The following FTCD variants were observed in gnomAD, a reference collection of about 807,000 sequenced individuals.
The protein encoded by FTCD is formimidoyltransferase-cyclodeaminase.
In FTCD, 76 loss-of-function variants were observed where a neutral mutation model predicts 62.9. The ratio of observed to expected loss-of-function variants is 1.21; its 90% CI spans 1.00 to 1.46. FTCD has a LOEUF of 1.46. FTCD is among the 40% of genes most tolerant of loss of function. The probability of loss-of-function intolerance (pLI) is 0.00; values close to 1 mark genes in which losing one functional copy is unlikely to be tolerated. For synonymous variants in FTCD, 397 were observed against 336.9 expected (o/e 1.18, Z -1.95); for missense variants, 845 against 751.3 (o/e 1.12, Z -1.46).
In FTCD at chr21:46,151,816, C is replaced by T. The variant is rs796092898; in HGVS notation, c.456+76G>A. On this transcript the variant is annotated intron_variant, in intron 4 of 13. Transcript: ENST00000397746. ...CCCGGGGTCCCGGGAAGGAGGGGCC[C>T]GGCCCAGCCACCCCAGCCAGGACAA... is the stretch of plus-strand genomic sequence containing the variant. 5.6e-5 allele frequency: 88 copies of T among 1,577,652 alleles called. No individual in the cohort carries two copies. The African/African-American group carries it at 7.4e-4, about 13-fold the overall frequency.
chr21:46,154,305 T>C lies in FTCD; in HGVS notation c.82A>G (p.Thr28Ala). The C allele has an allele frequency of 6.2e-7, 1 of 1,611,420 alleles. No homozygotes were observed. Among genetic ancestry groups the C allele is most frequent in the Non-Finnish European group, 8.5e-7 (1 of 1,179,634 alleles). The stretch of plus-strand genomic sequence containing the variant: ...AGCAGCACGCAGCCCGGGGTCTGTG[T>C]GATGGCTCCAGAGATGGCGTCGATC... ...EVIDAISGAI[T>A]QTPGCVLLDV... Residue 28 changes from threonine to alanine, a missense_variant, in exon 2 of 14, where the codon ACA (threonine) becomes GCA (alanine). Physicochemically the swap from Thr to Ala is moderately conservative, Grantham distance 58 (BLOSUM62 0). Coordinates refer to ENST00000397746, the MANE Select transcript of FTCD (RefSeq NM_206965.2).
At position 46,146,320 on chromosome 21, in the gene FTCD, C is replaced by T. The variant is rs1408278023; in HGVS notation, c.914G>A (p.Ser305Asn). The change falls in exon 8 of 14, where the codon AGC (serine) becomes AAC (asparagine). Residue 305 changes from serine (S) to asparagine (N), a missense_variant. Transcript: ENST00000397746. ...EEEQRIRLVVSRLGLDSLCPF... is the reference protein window; with the variant it reads ...EEEQRIRLVVNRLGLDSLCPF... ...GCACAGGGAGTCCAGGCCCAGCCGG[C>T]TCACCACCTGGAAAAGGGGCTTGGA... The T allele has an allele frequency of 2.5e-6, 4 of 1,601,362 alleles. No homozygotes were observed. Among genetic ancestry groups the T allele is most frequent in the Admixed American group, 3.4e-5 (2 of 59,044 alleles).
chr21:46,136,354 G>A (rs990337042), downstream of FTCD: 2 of 1,329,894 alleles, frequency 1.5e-6, no homozygotes, highest in Non-Finnish European at 2.1e-6. Context: ...AGTCTCCCAG[G>A]AGCCACTGGT....
intron 1 of FTCD, among the ~76,000 whole-genome samples, chr21:46,154,907 G>C (rs1430698880): frequency 6.6e-6 from 1 of 152,344 alleles, no homozygotes; most frequent in East Asian, 1.9e-4. Flanking sequence ...CTTCCAGGTG[G>C]CCCTTAGGGC....
chr21:46,138,796 G>A (rs969748808), intron 11 of FTCD, 84 bp downstream of exon 11: 108 of 1,438,354 alleles, frequency 7.5e-5, no homozygotes, highest in Admixed American at 2.5e-4. Context: ...ACCACGCCCC[G>A]TCACAGCACC....
intron 12 of FTCD, among the ~76,000 whole-genome samples, chr21:46,138,184 C>A (rs1230435595): frequency 6.6e-6 from 1 of 152,180 alleles, no homozygotes; most frequent in African/African-American, 2.4e-5. Flanking sequence ...AACCATTGTG[C>A]CTGGGCTGAC....
chr21:46,139,683 C>T (rs1167172896), intron 10 of FTCD, among the ~76,000 whole-genome samples: 2 of 152,246 alleles, frequency 1.3e-5, no homozygotes, highest in Non-Finnish European at 2.9e-5. Flanking sequence ...GATCTGGATC[C>T]TTTGACCATT....
At chr21:46,144,055 C>CCT (rs371100615) in intron 10 of FTCD, among the ~76,000 whole-genome samples, 18 of 151,514 alleles carry the variant, frequency 1.2e-4, no homozygotes, top group South Asian at 6.2e-4. Context: ...TGTGAGCTGT[C>CCT]CTCTCTCTCT....
At chr21:46,152,020 G>C (rs2079298317) in intron 3 of FTCD, 40 bp from the exon 4 acceptor site, 4 of 1,436,754 alleles carry the variant, frequency 2.8e-6, no homozygotes, top group Non-Finnish European at 3.8e-6. Context: ...ACCGGCAGGG[G>C]GTCCAGGACT....
chr21:46,146,281 T>G lies in FTCD; in HGVS notation c.953A>C (p.Lys318Thr). The G allele has an allele frequency of 6.2e-7, 1 of 1,604,250 alleles. No homozygotes were observed. Among genetic ancestry groups the G allele is most frequent in the East Asian group, 2.2e-5 (1 of 44,584 alleles). The change falls in exon 8 of 14, where the codon AAG (lysine) becomes ACG (threonine). Residue 318 changes from lysine to threonine, a missense_variant. Lys to Thr is a moderately conservative substitution (Grantham distance 78). Transcript: ENST00000397746. ...GLDSLCPFSP[K>T]ERIIEYLVPE... is the part of the protein sequence containing the mutation. ...AGAGGCTCACTCGATGATCCGCTCC[T>G]TAGGGCTGAAGGGGCACAGGGAGTC...
chr21:46,136,970 A>G lies in FTCD; in HGVS notation c.*17T>C, dbSNP rs760296512. On this transcript the variant is annotated 3_prime_UTR_variant, in exon 14 of 14. Coordinates refer to ENST00000397746, the MANE Select transcript of FTCD (RefSeq NM_206965.2). The stretch of plus-strand genomic sequence containing the variant: ...GCGAGGGAGGGGCCACAGAGCCCGG[A>G]GAGGCCTCCCGCACCGTCACTCCTG... 1.9e-6 allele frequency: 3 copies of G among 1,612,996 alleles called. No homozygotes were observed. The highest frequency in any genetic ancestry group is 2.5e-6 in the Non-Finnish European group (3 of 1,179,956).
rs2079278508 is a variant in FTCD, at chr21:46,151,658, C to G, written c.536G>C (p.Arg179Thr). ...GATGTTAAAAGCAATGAGGAACTTC[C>G]TCGCCCCCGTGGCCGTGGCCCCCCA... ...PSWGATATGA[R>T]KFLIAFNINL... The change falls in exon 5 of 14, where the codon AGG becomes ACG. Residue 179 changes from arginine to threonine, a missense_variant. Coordinates refer to ENST00000397746, the MANE Select transcript of FTCD (RefSeq NM_206965.2). 4 of 1,613,080 alleles carry G rather than the reference C, an allele frequency of 2.5e-6. No individual in the cohort carries two copies. The highest frequency in any genetic ancestry group is 3.4e-6 in the Non-Finnish European group (4 of 1,179,978).
chr21:46,152,897 G>GC lies in FTCD; in HGVS notation c.367+9dup. On this transcript the variant is annotated intron_variant, in intron 3 of 13. Coordinates refer to ENST00000397746, the MANE Select transcript of FTCD (RefSeq NM_206965.2). Reference sequence around the variant, plus strand: ...GGAGCAGAGTGAGGGGGGCGGGGGGGCACGCTCACCTGGCACGTCCAGCTC... The same window carrying GC: ...GGAGCAGAGTGAGGGGGGCGGGGGGGCCACGCTCACCTGGCACGTCCAGCTC... The GC allele has an allele frequency of 4.1e-6, 5 of 1,210,056 alleles. No individual in the cohort carries two copies. The highest frequency in any genetic ancestry group is 5.8e-6 in the Non-Finnish European group (5 of 865,810). 75.0% of individuals were successfully genotyped at this position (1,210,056 alleles called of 1,614,324 possible).
In FTCD at chr21:46,145,456, C is replaced by G; in HGVS notation, c.1221G>C (p.Thr407=). 1.9e-6 allele frequency: 3 copies of G among 1,560,432 alleles called. No individual in the cohort carries two copies. The highest frequency in any genetic ancestry group is 2.6e-6 in the Non-Finnish European group (3 of 1,153,212). ...PFREASAKLT[T]LVDADAEAFT... is the part of the protein sequence containing the mutation. ...AGGCCTCGGCGTCGGCATCCACCAG[C>G]GTGGTTAGCTTGGCCGAAGCCTCGC... Residue 407 remains threonine, a synonymous_variant, in exon 10 of 14, where the codon ACG becomes ACC. Coordinates refer to ENST00000397746, the MANE Select transcript of FTCD (RefSeq NM_206965.2).
At chr21:46,144,536 C>T (rs551799282) in intron 10 of FTCD, among the ~76,000 whole-genome samples, 1 of 524 alleles carries the variant, frequency 1.9e-3, no homozygotes, top group South Asian at 0.05. Flanking sequence ...TCCCTCTCTC[C>T]CCTTTTCCCC....
chr21:46,149,186 T>A (rs2079211782), intron 7 of FTCD, among the ~76,000 whole-genome samples: 1 of 152,128 alleles, frequency 6.6e-6, no homozygotes, highest in African/African-American at 2.4e-5. Flanking sequence ...TCACAAAAAA[T>A]TTTGTTAACA....
chr21:46,151,011 G>C (rs2079259087), intron 5 of FTCD, among the ~76,000 whole-genome samples: 1 of 152,238 alleles, frequency 6.6e-6, no homozygotes, highest in Non-Finnish European at 1.5e-5. Context: ...CTGCAGGTCG[G>C]GAAGCCGGGT....
Position 46,151,941 on chromosome 21 carries a change from C to G in FTCD, c.407G>C (p.Arg136Pro). The G allele has an allele frequency of 6.4e-7, 1 of 1,572,784 alleles. No homozygotes were observed. Among genetic ancestry groups the G allele is most frequent in the Non-Finnish European group, 8.6e-7 (1 of 1,159,730 alleles). The change falls in exon 4 of 14, where the codon CGG becomes CCG. Residue 136 changes from arginine to proline, a missense_variant. Physicochemically the swap from Arg to Pro is moderately radical, Grantham distance 103. Coordinates refer to ENST00000397746, the MANE Select transcript of FTCD (RefSeq NM_206965.2). ...YGEAARMDSR[R>P]TLPAIRAGEY... Reference sequence around the variant, plus strand: ...CCCGGCCCGGATGGCCGGCAGGGTCCGGCGACTGTCCATCCTGGCTGCCTC... The same window carrying G: ...CCCGGCCCGGATGGCCGGCAGGGTCGGGCGACTGTCCATCCTGGCTGCCTC...
chr21:46,139,594 A>G (rs1601297561), intron 10 of FTCD, among the ~76,000 whole-genome samples: 1 of 151,856 alleles, frequency 6.6e-6, no homozygotes, highest in East Asian at 1.9e-4. Context: ...GATTCAGCCA[A>G]CTCTCCACCA....
Sources: gnomAD v4.1 joint callset for allele counts (sites outside exome capture counted in the v4.1 genomes callset) on GRCh38, gnomAD v4.1.1 for gene constraint, MANE v1.5 for transcripts, NCBI Gene and HGNC (gene_info 2026-07-23, HGNC 2026-07-21) for gene names.